Variants in ARMC3 observed in about 807,000 individuals in gnomAD.
The protein encoded by ARMC3 is armadillo repeat containing 3.
In ARMC3, 74 loss-of-function variants were observed where a neutral mutation model predicts 90.3. The ratio of observed to expected loss-of-function variants is 0.82; its 90% CI spans 0.68 to 0.99. The LOEUF is 0.99. ARMC3 is among the 50% of genes least tolerant of loss of function. ARMC3 has a pLI of 0.00. For missense variants in ARMC3, 958 were observed against 1,042.8 expected (o/e 0.92, Z 1.12); for synonymous variants, 334 against 361.8 (o/e 0.92, Z 0.87).
chr10:22,965,703 T>A (rs1157573853), intron 7 of ARMC3, among the ~76,000 whole-genome samples: 2 of 152,190 alleles, frequency 1.3e-5, no homozygotes, highest in African/African-American at 4.8e-5. Flanking sequence ...AAGGCTCTGC[T>A]CATTTTTCTT....
At chr10:23,006,705 A>G in intron 13 of ARMC3, 179 bp from the exon 14 acceptor site, 1 of 570,438 alleles carries the variant, frequency 1.8e-6, no homozygotes, top group Admixed American at 2.8e-5. Flanking sequence ...CCCAAAGGCA[A>G]GAACATCCAC....
chr10:22,941,256 A>G (rs78702179), intron 2 of ARMC3, among the ~76,000 whole-genome samples: 2,156 of 152,236 alleles, frequency 0.014, 49 homozygotes, highest in African/African-American at 0.048. Flanking sequence ...ACTTTCACAT[A>G]TTGCTTGGAA....
Position 22,946,192 on chromosome 10 carries a change from A to G in ARMC3, c.97A>G (p.Met33Val), listed in dbSNP as rs1231760316. The change falls in exon 3 of 19, where the codon ATG becomes GTG. Residue 33 changes from methionine to valine, a missense_variant. Transcript: ENST00000298032. Reference sequence around the variant, plus strand: ...CAAAAAAGCAGCAACTGTGGTGTTAATGCTTAATTCTCCAGAAGAGGAAAT... The same window carrying G: ...CAAAAAAGCAGCAACTGTGGTGTTAGTGCTTAATTCTCCAGAAGAGGAAAT... ...ESKKAATVVL[M>V]LNSPEEEILA... 6.2e-7 allele frequency: 1 copy of G among 1,613,164 alleles called. No homozygotes were observed. The highest frequency in any genetic ancestry group is 8.5e-7 in the Non-Finnish European group (1 of 1,179,702).
intron 16 of ARMC3, among the ~76,000 whole-genome samples, chr10:23,013,281 T>C (rs1055351537): frequency 1.4e-4 from 22 of 152,300 alleles, no homozygotes; most frequent in African/African-American, 5.3e-4. Flanking sequence ...CTGAAGCCCA[T>C]ACTCCAAGCA....
At chr10:23,005,020 T>C (rs1454192107) in intron 13 of ARMC3, among the ~76,000 whole-genome samples, 2 of 151,894 alleles carry the variant, frequency 1.3e-5, no homozygotes, top group East Asian at 1.9e-4. Context: ...GAGACCATCC[T>C]GGCTAACACG....
intron 3 of ARMC3, among the ~76,000 whole-genome samples, chr10:22,950,749 G>A (rs1834710792): frequency 6.6e-6 from 1 of 151,936 alleles, no homozygotes; most frequent in Admixed American, 6.6e-5. Flanking sequence ...ATTTAGAATA[G>A]AAAGACAAAA....
At chr10:22,933,057 C>T (rs1833987866) in intron 2 of ARMC3, among the ~76,000 whole-genome samples, 1 of 152,168 alleles carries the variant, frequency 6.6e-6, no homozygotes, top group African/African-American at 2.4e-5. Flanking sequence ...CTGGACTCTG[C>T]TTCTGAGACA....
At chr10:22,956,444 A>G (rs1469701805) in intron 4 of ARMC3, among the ~76,000 whole-genome samples, 3 of 152,150 alleles carry the variant, frequency 2.0e-5, no homozygotes, top group African/African-American at 7.2e-5. Context: ...CTCTACTAAA[A>G]ATACAAAAAG....
chr10:23,005,095 C>T (rs1480044876), intron 13 of ARMC3, among the ~76,000 whole-genome samples: 1 of 151,728 alleles, frequency 6.6e-6, no homozygotes, highest in African/African-American at 2.4e-5. Flanking sequence ...TGCCTGTAGT[C>T]CCAGCTACTC....
chr10:22,929,290 G>GAA (rs1564332079), intron 1 of ARMC3, among the ~76,000 whole-genome samples: 2 of 147,982 alleles, frequency 1.4e-5, no homozygotes, highest in Non-Finnish European at 3.0e-5. Flanking sequence ...GAGAAAGAGA[G>GAA]AGAGAAAGAG....
chr10:23,005,516 G>C (rs1837557744), intron 13 of ARMC3, among the ~76,000 whole-genome samples: 1 of 152,184 alleles, frequency 6.6e-6, no homozygotes, highest in African/African-American at 2.4e-5. Context: ...AGTGCTGGAG[G>C]ACAGAGAATA....
intron 7 of ARMC3, among the ~76,000 whole-genome samples, chr10:22,963,948 A>C (rs1257469439): frequency 3.5e-5 from 5 of 142,022 alleles, no homozygotes; most frequent in Admixed American, 6.9e-5. Flanking sequence ...AAAAAAAAAA[A>C]AAGACTAACA....
chr10:22,967,253 T>C (rs1359371110), intron 7 of ARMC3, among the ~76,000 whole-genome samples: 2 of 152,140 alleles, frequency 1.3e-5, no homozygotes, highest in Non-Finnish European at 1.5e-5. Flanking sequence ...GTTTTAAACA[T>C]TAATCTCATA....
At chr10:23,009,442 C>T (rs921430944) in intron 16 of ARMC3, among the ~76,000 whole-genome samples, 12 of 152,190 alleles carry the variant, frequency 7.9e-5, no homozygotes, top group East Asian at 1.9e-4. Flanking sequence ...AATAGAGCAA[C>T]GCTCTTACTT....
chr10:23,024,415 TAGATAGAC>T (rs778670617), intron 16 of ARMC3, among the ~76,000 whole-genome samples: 93 of 129,296 alleles, frequency 7.2e-4, no homozygotes, highest in South Asian at 3.4e-3. Context: ...GATAGATAGA[TAGATAGAC>T]AGATAGATAG....
chr10:22,942,772 A>G (rs1834368781), intron 2 of ARMC3, among the ~76,000 whole-genome samples: 1 of 152,244 alleles, frequency 6.6e-6, no homozygotes, highest in African/African-American at 2.4e-5. Context: ...ATCCACAAAA[A>G]GACATGTAAA....
chr10:23,004,430 G>A (rs757537752), intron 13 of ARMC3, among the ~76,000 whole-genome samples: 3 of 151,758 alleles, frequency 2.0e-5, no homozygotes, highest in Non-Finnish European at 2.9e-5. Context: ...GAAGAAAAAG[G>A]AAAAGGAAAA....
chr10:22,950,819 G>A (rs1834712911), intron 3 of ARMC3, among the ~76,000 whole-genome samples: 3 of 151,672 alleles, frequency 2.0e-5, no homozygotes, highest in Admixed American at 1.3e-4. Flanking sequence ...GAAAGCCCAA[G>A]CATTAGTAAC....
chr10:22,980,349 T>C (rs1836133787), intron 8 of ARMC3, among the ~76,000 whole-genome samples: 1 of 152,146 alleles, frequency 6.6e-6, no homozygotes, highest in Non-Finnish European at 1.5e-5. Flanking sequence ...TATGACAATT[T>C]TTTGAAGGAA....
Sources: allele counts gnomAD v4.1 joint callset (sites outside exome capture counted in the v4.1 genomes callset), GRCh38; gene constraint gnomAD v4.1.1; transcripts MANE v1.5; gene names NCBI Gene and HGNC (gene_info 2026-07-23, HGNC 2026-07-21).